KHDRBS2: variants seen among roughly 807,000 people sequenced by gnomAD.
KHDRBS2 encodes KH domain-containing, RNA-binding, signal transduction-associated protein 2.
KHDRBS2 carries 26 observed loss-of-function variants against 44.3 expected under a neutral mutation model. The observed-to-expected ratio is 0.59, with a 90% CI of 0.43 to 0.81. KHDRBS2 has a LOEUF of 0.81. Among genes scored for constraint, KHDRBS2 ranks in the 40% least tolerant of loss-of-function variants. KHDRBS2 has a pLI of 0.00. For synonymous variants in KHDRBS2, 194 were observed against 151.1 expected, an observed-to-expected ratio of 1.28 and a Z score of -2.08; for missense variants, 476 against 433.1, an observed-to-expected ratio of 1.10 and a Z score of -0.88.
chr6:62,158,317 T>A (rs1816893578), intron 2 of KHDRBS2, among the ~76,000 whole-genome samples: 1 of 152,220 alleles, frequency 6.6e-6, no homozygotes, highest in South Asian at 2.1e-4. Flanking sequence ...TTACACCATG[T>A]GCTGACACTA....
intron 6 of KHDRBS2, among the ~76,000 whole-genome samples, chr6:61,780,395 G>T (rs906932274): frequency 2.6e-5 from 4 of 152,110 alleles, no homozygotes; most frequent in African/African-American, 9.7e-5. Flanking sequence ...AGCTACTTGG[G>T]AGGCTGAGGT....
intron 2 of KHDRBS2, among the ~76,000 whole-genome samples, chr6:62,121,483 G>T (rs1234539260): frequency 6.6e-6 from 1 of 152,160 alleles, no homozygotes; most frequent in Non-Finnish European, 1.5e-5. Flanking sequence ...TACTATACCA[G>T]ATGTGGTTTC....
intron 7 of KHDRBS2, among the ~76,000 whole-genome samples, chr6:61,699,179 G>A (rs1325665242): frequency 6.6e-6 from 1 of 151,782 alleles, no homozygotes; most frequent in Non-Finnish European, 1.5e-5. Flanking sequence ...ATATTTATAG[G>A]ACAATAGAAT....
At chr6:62,174,230 T>C (rs1221228748) in intron 2 of KHDRBS2, among the ~76,000 whole-genome samples, 3 of 151,778 alleles carry the variant, frequency 2.0e-5, no homozygotes, top group Non-Finnish European at 4.4e-5. Context: ...ACAAAATCAA[T>C]GTACAAAAAT....
At chr6:62,177,780 AG>A (rs778089273) in intron 1 of KHDRBS2, among the ~76,000 whole-genome samples, 55 of 151,466 alleles carry the variant, frequency 3.6e-4, no homozygotes, top group Admixed American at 1.1e-3. Context: ...TAGCTAAAAT[AG>A]GTAGTAAAGA....
At chr6:61,636,169 T>A in the KHDRBS2 span, among the ~76,000 whole-genome samples, 1 of 152,200 alleles carries the variant, frequency 6.6e-6, no homozygotes, top group Non-Finnish European at 1.5e-5. Context: ...CATTATAACA[T>A]TTTGAAAATG....
At position 62,263,257 on chromosome 6, in the gene KHDRBS2, C is replaced by A. The variant is rs1240208116; in HGVS notation, c.91+22601G>T. 2.6e-5 allele frequency among the ~76,000 whole-genome samples: 4 copies of A among 151,562 alleles called. No individual in the cohort carries two copies. The East Asian group carries it at 7.7e-4, about 29-fold the overall frequency. The stretch of plus-strand genomic sequence containing the variant: ...TTCTAATTTTATAAATTATTTCTTA[C>A]AAATATGTAATTCACCAAAGAATAT... On this transcript the variant is annotated intron_variant, in intron 1 of 8. Coordinates refer to ENST00000281156, the MANE Select transcript of KHDRBS2 (RefSeq NM_152688.4).
intron 1 of KHDRBS2, among the ~76,000 whole-genome samples, chr6:62,214,309 A>C (rs140695287): frequency 1.3e-3 from 191 of 152,330 alleles, no homozygotes; most frequent in Non-Finnish European, 2.2e-3. Context: ...AACAGCCATT[A>C]ATGATTATAA....
intron 6 of KHDRBS2, among the ~76,000 whole-genome samples, chr6:61,757,382 T>C (rs1778641209): frequency 6.6e-6 from 1 of 152,210 alleles, no homozygotes; most frequent in African/African-American, 2.4e-5. Flanking sequence ...TTTTGTCACA[T>C]ACTCCCCGTC....
At chr6:62,276,304 G>C (rs988393475) in intron 1 of KHDRBS2, among the ~76,000 whole-genome samples, 1 of 152,168 alleles carries the variant, frequency 6.6e-6, no homozygotes, top group Admixed American at 6.5e-5. Context: ...ACTGTCTTCT[G>C]TTTCTGATCA....
chr6:62,232,545 C>G (rs1833052618), intron 1 of KHDRBS2, among the ~76,000 whole-genome samples: 1 of 152,162 alleles, frequency 6.6e-6, no homozygotes, highest in South Asian at 2.1e-4. Context: ...AAAACATACA[C>G]CTGAAATACA....
intron 6 of KHDRBS2, among the ~76,000 whole-genome samples, chr6:61,865,381 G>A (rs540002431): frequency 6.6e-6 from 1 of 152,264 alleles, no homozygotes; most frequent in East Asian, 1.9e-4. Context: ...CATGGTGGAA[G>A]GCAAGGAGGA....
intron 4 of KHDRBS2, among the ~76,000 whole-genome samples, chr6:61,917,963 A>AATATCTCC (rs1807326088): frequency 6.6e-6 from 1 of 152,014 alleles, no homozygotes. Context: ...ATAGGAAGAT[A>AATATCTCC]TTGAAGGCTC....
At position 61,917,124 on chromosome 6, in the gene KHDRBS2, C is replaced by T. The variant is rs145996792; in HGVS notation, c.484-15753G>A. On this transcript the variant is annotated intron_variant, in intron 4 of 8. Coordinates refer to ENST00000281156, the MANE Select transcript of KHDRBS2 (RefSeq NM_152688.4). ...TCCAAACGAGTTGAAAACTTACATG[C>T]GCACAGTAACCTGCACACAAATGTC... is the stretch of plus-strand genomic sequence containing the variant. 6.6e-3 allele frequency among the ~76,000 whole-genome samples: 1,008 copies of T among 151,696 alleles called. 20 individuals carry two copies. The highest frequency in any genetic ancestry group is 0.022 in the African/African-American group (892 of 41,418).
rs1189358960 is a variant in KHDRBS2 at position 62,286,151 on chromosome 6, C to T, written c.-203G>A. 1.8e-6 allele frequency: 1 copy of T among 559,788 alleles called. No individual in the cohort carries two copies. Among genetic ancestry groups the T allele is most frequent in the Non-Finnish European group, 3.1e-6 (1 of 321,106 alleles). The allele number at this position is 559,788 out of a possible 1,614,324, so 34.7% of individuals were successfully genotyped here. On this transcript the variant is annotated 5_prime_UTR_variant, in exon 1 of 9. Coordinates refer to ENST00000281156, the MANE Select transcript of KHDRBS2 (RefSeq NM_152688.4). ...TGGCCCCGCGCCCACACCTGCCCGTCCCTTCCGTCGTCCCTCGCTCGCGCA... is the reference window on the plus strand; with the variant it reads ...TGGCCCCGCGCCCACACCTGCCCGTTCCTTCCGTCGTCCCTCGCTCGCGCA...
downstream of KHDRBS2, among the ~76,000 whole-genome samples, chr6:61,677,005 T>A (rs146325342): frequency 1.2e-4 from 18 of 151,994 alleles, no homozygotes; most frequent in East Asian, 3.1e-3. Context: ...TATCTGAAAA[T>A]CAAAATTCCC....
chr6:61,814,638 A>G (rs568609335), intron 6 of KHDRBS2, among the ~76,000 whole-genome samples: 2 of 152,076 alleles, frequency 1.3e-5, no homozygotes, highest in African/African-American at 2.4e-5. Flanking sequence ...AAAACTATAT[A>G]TAGTGTTAAT....
chr6:61,727,066 AAAAC>A (rs1773695061), intron 7 of KHDRBS2, among the ~76,000 whole-genome samples: 2 of 152,152 alleles, frequency 1.3e-5, no homozygotes, highest in Admixed American at 1.3e-4. Context: ...TACTGGTACA[AAAAC>A]AAACATATAG....
intron 7 of KHDRBS2, among the ~76,000 whole-genome samples, chr6:61,698,646 A>G (rs1768194983): frequency 6.6e-6 from 1 of 152,064 alleles, no homozygotes; most frequent in Non-Finnish European, 1.5e-5. Context: ...TAGGAGAAAA[A>G]TAAAAAATTC....
Sources: allele counts gnomAD v4.1 joint callset (sites outside exome capture counted in the v4.1 genomes callset), GRCh38; gene constraint gnomAD v4.1.1; transcripts MANE v1.5; gene names NCBI Gene and HGNC (gene_info 2026-07-23, HGNC 2026-07-21).